Variants in MED24 observed in about 807,000 individuals in gnomAD.
MED24 encodes the protein mediator complex subunit 24.
A neutral mutation model predicts 118.8 loss-of-function variants in MED24; 74 were observed. The ratio of observed to expected loss-of-function variants is 0.62; its 90% CI spans 0.52 to 0.76. The LOEUF (loss-of-function observed/expected upper bound fraction) is 0.76. Among genes scored for constraint, MED24 ranks in the 30% least tolerant of loss-of-function variants. MED24 has a pLI of 0.00. For missense variants in MED24, 1,041 were observed against 1,278.9 expected, an observed-to-expected ratio of 0.81 and a Z score of 2.84; for synonymous variants, 521 against 523.9, an observed-to-expected ratio of 0.99 and a Z score of 0.08.
chr17:40,026,716 G>A lies in MED24; in HGVS notation c.1740C>T (p.Ser580=). 6.2e-7 allele frequency: 1 copy of A among 1,612,518 alleles called. No individual in the cohort carries two copies. The highest frequency in any genetic ancestry group is 8.5e-7 in the Non-Finnish European group (1 of 1,179,278). ...GGATTTCCAAGATGGCGGCTGAGAT[G>A]CTGAGACAGGCCTCATGCCACTTCA... ...VQMKWHEACL[S]ISAAILEILN... Residue 580 remains serine, a synonymous_variant, in exon 18 of 26, where the codon AGC becomes AGT. Transcript: ENST00000394128.
In MED24 at chr17:40,031,453, C is replaced by G. The variant is rs962243937; in HGVS notation, c.1067+85G>C. The G allele has an allele frequency of 1.3e-5, 18 of 1,406,022 alleles. No individual in the cohort carries two copies. In the Admixed American group the frequency reaches 3.2e-4, roughly 25 times the overall value. The allele number at this position is 1,406,022 out of a possible 1,614,324, so 87.1% of individuals were successfully genotyped here. ...AGGGGAGTGAACAAGGAGACAGAGT[C>G]CCCTGAGGCTTCTCTGGCACAGAGA... On this transcript the variant is annotated intron_variant, in intron 11 of 25. Transcript: ENST00000394128.
chr17:40,031,585 G>C lies in MED24; in HGVS notation c.1020C>G (p.Phe340Leu), dbSNP rs765771001. The change falls in exon 11 of 26, where the codon TTC becomes TTG. Residue 340 changes from phenylalanine (F) to leucine (L), a missense_variant. This residue lies in a region of MED24 where 434 missense variants were observed against 514.9 expected (regional missense o/e 0.84). Coordinates refer to ENST00000394128, the MANE Select transcript of MED24 (RefSeq NM_014815.4). The part of the protein sequence containing the change: ...FTEDVNCAFE[F>L]LLKLTPLLDK... The stretch of plus-strand genomic sequence containing the variant: ...CCAACAAGGGGGTGAGCTTCAGCAG[G>C]AACTCAAAAGCACAGTTGACATCCT... 8 of 1,614,122 alleles carry C rather than the reference G, an allele frequency of 5.0e-6. No individual in the cohort carries two copies. In the East Asian group the frequency reaches 1.8e-4, roughly 36 times the overall value.
At chr17:40,020,098 G>A in intron 24 of MED24, 165 bp from the exon 25 acceptor site, 2 of 951,342 alleles carry the variant, frequency 2.1e-6, no homozygotes, top group Admixed American at 2.2e-5. Flanking sequence ...GGGGAGGGGA[G>A]GAGGGGGAAC....
chr17:40,021,320 T>C (rs1981975209), intron 23 of MED24: 1 of 152,322 alleles, frequency 6.6e-6, no homozygotes, highest in African/African-American at 2.4e-5. Flanking sequence ...CTGGCAAACC[T>C]AGCATCTTTC....
chr17:40,033,559 C>T lies in MED24; in HGVS notation c.560-103G>A. 1.1e-6 allele frequency: 1 copy of T among 916,284 alleles called. No individual in the cohort carries two copies. Among genetic ancestry groups the T allele is most frequent in the Admixed American group, 2.0e-5 (1 of 50,184 alleles). The allele number at this position is 916,284 out of a possible 1,614,324, so 56.8% of individuals were successfully genotyped here. A position where few individuals can be genotyped will look rare whatever the true frequency, so the allele number is the denominator to read the frequency against. On this transcript the variant is annotated intron_variant, in intron 6 of 25. Coordinates refer to ENST00000394128, the MANE Select transcript of MED24 (RefSeq NM_014815.4). The surrounding 1 kb of genome is among the most constrained non-coding windows in gnomAD (Gnocchi z 5.2). Reference sequence around the variant, plus strand: ...TGGCACTCCCTCCGGCACACGAAACCACACAGGAAGGCTTCCCCTGAGGAC... The same window carrying T: ...TGGCACTCCCTCCGGCACACGAAACTACACAGGAAGGCTTCCCCTGAGGAC...
chr17:40,050,341 C>T (rs1446670739), intron 3 of MED24, among the ~76,000 whole-genome samples: 3 of 151,132 alleles, frequency 2.0e-5, no homozygotes, highest in African/African-American at 7.3e-5. Flanking sequence ...CCCAGCTACT[C>T]GGGAGACAGG....
At chr17:40,029,913 T>G (rs1983165315) in intron 12 of MED24, 54 bp from the exon 13 acceptor site, 2 of 1,526,488 alleles carry the variant, frequency 1.3e-6, no homozygotes, top group Non-Finnish European at 1.8e-6. Context: ...GAGAAATTCT[T>G]GACACGTTCC....
At chr17:40,050,082 T>C (rs1220697210) in intron 3 of MED24, among the ~76,000 whole-genome samples, 2 of 136,696 alleles carry the variant, frequency 1.5e-5, no homozygotes, top group East Asian at 2.2e-4. Flanking sequence ...CCCAAGGAGA[T>C]GGAGGTTGCA....
intron 9 of MED24, 116 bp downstream of exon 9, chr17:40,032,533 C>G (rs1332887519): frequency 1.4e-6 from 1 of 732,308 alleles, no homozygotes; most frequent in Non-Finnish European, 2.3e-6. Context: ...ACTGGAATAC[C>G]TGGCAGGCTG....
rs145356663 is a variant in MED24, at chr17:40,019,355, C to T, written c.*174G>A. ...GAGAGGAAATTTTGAAAGAAGAAAC[C>T]GGGAGACATCCTGGAGGTCAGGAGT... On this transcript the variant is annotated 3_prime_UTR_variant, in exon 26 of 26. Transcript: ENST00000394128. The T allele has an allele frequency of 9.7e-6, 6 of 617,624 alleles. No individual in the cohort carries two copies. The highest frequency in any genetic ancestry group is 3.7e-5 in the African/African-American group (2 of 53,394). The allele number at this position is 617,624 out of a possible 1,614,324, so 38.3% of individuals were successfully genotyped here.
At chr17:40,042,016 CCATT>C (rs1378876155) in intron 3 of MED24, among the ~76,000 whole-genome samples, 1 of 152,120 alleles carries the variant, frequency 6.6e-6, no homozygotes. Flanking sequence ...ATGAGAGAGA[CCATT>C]CAGTCTGCAA....
intron 14 of MED24, 125 bp downstream of exon 14, chr17:40,028,701 C>T (rs1983009969): frequency 7.4e-7 from 1 of 1,344,500 alleles, no homozygotes; most frequent in Non-Finnish European, 1.0e-6. Context: ...AGCCAGGATG[C>T]TCTGCCTAGG....
At position 40,040,918 on chromosome 17, in the gene MED24, A is replaced by C. The variant is rs942498548; in HGVS notation, c.214-4764T>G. Among the ~76,000 whole-genome samples, 50 of 151,814 alleles carry C rather than the reference A, an allele frequency of 3.3e-4. 1 individual carries two copies. Among genetic ancestry groups the C allele is most frequent in the African/African-American group, 1.2e-3 (48 of 41,422 alleles). On this transcript the variant is annotated intron_variant, in intron 3 of 25. Coordinates refer to ENST00000394128, the MANE Select transcript of MED24 (RefSeq NM_014815.4). Reference sequence around the variant, plus strand: ...GTGAGCCACTGAACCCGGCCTTTTTAATTTTACTTTTTTAGTAGAGATAGG... The same window carrying C: ...GTGAGCCACTGAACCCGGCCTTTTTCATTTTACTTTTTTAGTAGAGATAGG...
At chr17:40,046,813 T>C (rs1396950611) in intron 3 of MED24, among the ~76,000 whole-genome samples, 1 of 151,686 alleles carries the variant, frequency 6.6e-6, no homozygotes, top group African/African-American at 2.4e-5. Flanking sequence ...CACAGCACTT[T>C]GGGAGGCCAA....
chr17:40,031,910 A>C, intron 10 of MED24, 133 bp downstream of exon 10: 1 of 1,044,328 alleles, frequency 9.6e-7, no homozygotes, highest in Admixed American at 2.2e-5. Flanking sequence ...ATTGTGAAGC[A>C]CGTGCACGCT....
At chr17:40,035,848 C>A in intron 4 of MED24, 53 bp from the exon 5 acceptor site, 4 of 1,534,894 alleles carry the variant, frequency 2.6e-6, no homozygotes, top group Admixed American at 3.4e-5. Flanking sequence ...ACCCCCAGGT[C>A]TCACATGAGG....
At chr17:40,046,739 C>G (rs1985266102) in intron 3 of MED24, among the ~76,000 whole-genome samples, 1 of 147,080 alleles carries the variant, frequency 6.8e-6, no homozygotes, top group Non-Finnish European at 1.5e-5. Flanking sequence ...GAGCGAGACT[C>G]CGTCTCAAAA....
rs1371124144 is a variant in MED24, at chr17:40,027,458, C to G, written c.1455G>C (p.Pro485=). ...TTYGSEESTK[P]ASVRALLFDI... is the part of the protein sequence containing the mutation. Reference sequence around the variant, plus strand: ...CAAACAGCAGGGCCCGGACGGAGGCCGGTTTGGCTGTGGAAGGACGGGAAG... The same window carrying G: ...CAAACAGCAGGGCCCGGACGGAGGCGGGTTTGGCTGTGGAAGGACGGGAAG... Residue 485 remains proline, a synonymous_variant, in exon 16 of 26, where the codon CCG becomes CCC. Transcript: ENST00000394128. 2.5e-6 allele frequency: 4 copies of G among 1,611,386 alleles called. No individual in the cohort carries two copies. Among genetic ancestry groups the G allele is most frequent in the Middle Eastern group, 1.7e-4 (1 of 6,048 alleles).
At chr17:40,023,540 G>C in intron 19 of MED24, 145 bp from the exon 20 acceptor site, 1 of 750,134 alleles carries the variant, frequency 1.3e-6, no homozygotes, top group Non-Finnish European at 2.1e-6. Context: ...GCTGGGGGAC[G>C]GTATACCCCG....
Sources: gnomAD v4.1 joint callset for allele counts (sites outside exome capture counted in the v4.1 genomes callset) on GRCh38, gnomAD v4.1.1 for gene constraint, gnomAD v4.1.1 regional missense constraint, Gnocchi (gnomAD v3.1) non-coding constraint, MANE v1.5 for transcripts, NCBI Gene and HGNC (gene_info 2026-07-23, HGNC 2026-07-21) for gene names.